Variants in TFAP2D observed in about 807,000 individuals in gnomAD.
TFAP2D encodes transcription factor AP-2-delta.
A neutral mutation model predicts 43.6 loss-of-function variants in TFAP2D; 9 were observed. The ratio of observed to expected loss-of-function variants is 0.21; its 90% CI spans 0.12 to 0.36. The LOEUF (loss-of-function observed/expected upper bound fraction) is 0.36, where lower values mean the gene tolerates loss of function less well. Among genes scored for constraint, TFAP2D ranks in the 10% least tolerant of loss-of-function variants. The pLI, the probability that TFAP2D is intolerant of heterozygous loss-of-function variation, is 1.00. For synonymous variants in TFAP2D, 256 were observed against 224.9 expected (o/e 1.14, Z -1.24); for missense variants, 513 against 561.4 (o/e 0.91, Z 0.87).
chr6:50,720,010 A>G (rs550064865), intron 3 of TFAP2D, among the ~76,000 whole-genome samples: 80 of 152,340 alleles, frequency 5.3e-4, no homozygotes, highest in Admixed American at 1.0e-3. Flanking sequence ...AACTGTACCC[A>G]AAGCCTCTGA....
intron 7 of TFAP2D, among the ~76,000 whole-genome samples, chr6:50,765,564 G>A (rs1373460204): frequency 6.6e-6 from 1 of 152,190 alleles, no homozygotes; most frequent in Non-Finnish European, 1.5e-5. Context: ...CCTAACAAAT[G>A]TGAAGTGATA....
intron 3 of TFAP2D, among the ~76,000 whole-genome samples, chr6:50,719,881 C>T (rs1345866441): frequency 1.3e-5 from 2 of 152,128 alleles, no homozygotes; most frequent in East Asian, 3.9e-4. Flanking sequence ...AGAGCTGTTG[C>T]TTTCAGCTCG....
rs207466952 is a variant in TFAP2D at position 50,753,093 on chromosome 6, G to A, written c.1139+1769G>A. On this transcript the variant is annotated intron_variant, in intron 7 of 7. Coordinates refer to ENST00000008391, the MANE Select transcript of TFAP2D (RefSeq NM_172238.4). ...ATATTTTTCACATTTTTGTTTGTGCGCATAATAAAAGGATTTATAATTTTT... is the reference window on the plus strand; with the variant it reads ...ATATTTTTCACATTTTTGTTTGTGCACATAATAAAAGGATTTATAATTTTT... 1.1e-4 allele frequency among the ~76,000 whole-genome samples: 16 copies of A among 151,776 alleles called. No homozygotes were observed. In the East Asian group the frequency reaches 2.3e-3, roughly 22 times the overall value.
chr6:50,749,653 CCAAA>C (rs1343033064), intron 6 of TFAP2D, among the ~76,000 whole-genome samples: 3 of 151,742 alleles, frequency 2.0e-5, no homozygotes, highest in Admixed American at 6.6e-5. Flanking sequence ...CAAAATGGCA[CCAAA>C]CACTTAGATT....
At chr6:50,738,330 A>G (rs998314028) in intron 5 of TFAP2D, among the ~76,000 whole-genome samples, 1 of 150,904 alleles carries the variant, frequency 6.6e-6, no homozygotes, top group Non-Finnish European at 1.5e-5. Flanking sequence ...GTTGGCTGTT[A>G]TGGGTTTTTG....
chr6:50,733,111 C>T (rs1768915901), intron 5 of TFAP2D, among the ~76,000 whole-genome samples: 1 of 151,886 alleles, frequency 6.6e-6, no homozygotes, highest in Admixed American at 6.6e-5. Flanking sequence ...GTTTTTCCAC[C>T]TGATAAAGTT....
intron 7 of TFAP2D, among the ~76,000 whole-genome samples, chr6:50,752,868 G>T (rs1268193567): frequency 6.6e-6 from 1 of 151,708 alleles, no homozygotes; most frequent in African/African-American, 2.4e-5. Flanking sequence ...ATGTAAGCTG[G>T]GTTGTTTGGG....
intron 7 of TFAP2D, among the ~76,000 whole-genome samples, chr6:50,768,095 G>A (rs1292557226): frequency 2.8e-4 from 43 of 151,946 alleles, no homozygotes; most frequent in Admixed American, 2.7e-3. Context: ...AAATGCCAAG[G>A]GTAACTTAAA....
At chr6:50,742,427 A>G (rs866487878) in intron 5 of TFAP2D, among the ~76,000 whole-genome samples, 1 of 152,100 alleles carries the variant, frequency 6.6e-6, no homozygotes, top group Admixed American at 6.6e-5. Flanking sequence ...ATCCGCAGGA[A>G]TCAGGTTTTA....
At chr6:50,763,928 T>C (rs1373898940) in intron 7 of TFAP2D, among the ~76,000 whole-genome samples, 8 of 152,166 alleles carry the variant, frequency 5.3e-5, no homozygotes, top group African/African-American at 1.9e-4. Flanking sequence ...TGTGTGGGCT[T>C]GTTAAATTTC....
At chr6:50,728,327 T>C (rs1212849344) in intron 3 of TFAP2D, among the ~76,000 whole-genome samples, 1 of 152,206 alleles carries the variant, frequency 6.6e-6, no homozygotes, top group Non-Finnish European at 1.5e-5. Context: ...AACTGGTTTT[T>C]AGCAGTGCCT....
chr6:50,716,909 T>C lies in TFAP2D; in HGVS notation c.537+1296T>C, dbSNP rs994064. Among the ~76,000 whole-genome samples the C allele has an allele frequency of 8.3e-3, 1,271 of 152,352 alleles. 19 individuals carry two copies. The highest frequency in any genetic ancestry group is 0.029 in the African/African-American group (1,193 of 41,594). On this transcript the variant is annotated intron_variant, in intron 2 of 7. Transcript: ENST00000008391. ...TATTTTTAAATTAAAGTGAAAGCCC[T>C]TACAGTCCCAACAAAGAGCCATAGC...
chr6:50,739,760 C>A (rs755220109), intron 5 of TFAP2D, among the ~76,000 whole-genome samples: 7 of 152,178 alleles, frequency 4.6e-5, no homozygotes, highest in Non-Finnish European at 1.0e-4. Context: ...ATACTGTTAA[C>A]ATAATCTGAA....
chr6:50,715,005 C>A, intron 1 of TFAP2D, 111 bp from the exon 2 acceptor site: 1 of 1,432,712 alleles, frequency 7.0e-7, no homozygotes, highest in Non-Finnish European at 9.4e-7. Flanking sequence ...TACGCGCTCG[C>A]TTTCCTTGGA....
intron 3 of TFAP2D, among the ~76,000 whole-genome samples, chr6:50,722,025 G>C (rs981345599): frequency 6.6e-6 from 1 of 152,202 alleles, no homozygotes; most frequent in African/African-American, 2.4e-5. Context: ...AACTTGTAAA[G>C]AACAAAATAG....
intron 3 of TFAP2D, among the ~76,000 whole-genome samples, chr6:50,721,457 A>ACAAT (rs2114031545): frequency 6.6e-6 from 1 of 152,306 alleles, no homozygotes; most frequent in Admixed American, 6.5e-5. Context: ...ATGTCAATTT[A>ACAAT]CAAGTGGATA....
intron 7 of TFAP2D, among the ~76,000 whole-genome samples, chr6:50,759,625 T>C (rs144546895): frequency 1.3e-5 from 2 of 152,156 alleles, no homozygotes; most frequent in East Asian, 3.9e-4. Context: ...TGTAACAAGA[T>C]GGTTAATGTA....
At chr6:50,732,997 T>G (rs555240517) in intron 5 of TFAP2D, among the ~76,000 whole-genome samples, 1 of 152,252 alleles carries the variant, frequency 6.6e-6, no homozygotes, top group South Asian at 2.1e-4. Flanking sequence ...GATAGGGTTA[T>G]TTGATGCAAA....
intron 2 of TFAP2D, 75 bp from the exon 3 acceptor site, chr6:50,719,015 C>G: frequency 7.0e-7 from 1 of 1,438,760 alleles, no homozygotes; most frequent in East Asian, 2.4e-5. Context: ...ATGGGCTAGT[C>G]TAAAAGACTT....
Sources: gnomAD v4.1 joint callset for allele counts (sites outside exome capture counted in the v4.1 genomes callset) on GRCh38, gnomAD v4.1.1 for gene constraint, MANE v1.5 for transcripts, NCBI Gene and HGNC (gene_info 2026-07-23, HGNC 2026-07-21) for gene names.